Variants in EYS observed in about 807,000 individuals in gnomAD.
The protein encoded by EYS is protein eyes shut homolog.
In EYS, 250 loss-of-function variants were observed where a neutral mutation model predicts 282.1. The ratio of observed to expected loss-of-function variants is 0.89; its 90% CI spans 0.80 to 0.98. The LOEUF is 0.98. Ranked by LOEUF, EYS falls within the 50% of genes least tolerant of loss-of-function variation. The pLI is 0.00. For synonymous variants in EYS, 1,355 were observed against 1,282.9 expected (o/e 1.06, Z -1.20); for missense variants, 4,016 against 3,709.0 (o/e 1.08, Z -2.15).
intron 26 of EYS, among the ~76,000 whole-genome samples, chr6:64,516,850 C>T (rs922631060): frequency 2.6e-5 from 4 of 151,364 alleles, no homozygotes; most frequent in South Asian, 2.1e-4. Flanking sequence ...TGTAGAAAAA[C>T]GTTTTTAATT....
At chr6:64,393,432 C>A (rs1773235263) in intron 28 of EYS, among the ~76,000 whole-genome samples, 1 of 152,168 alleles carries the variant, frequency 6.6e-6, no homozygotes, top group Admixed American at 6.5e-5. Context: ...GCTTATCCAC[C>A]ATGATCAAGT....
chr6:64,129,735 G>GT (rs1415529752), intron 31 of EYS, among the ~76,000 whole-genome samples: 3 of 152,012 alleles, frequency 2.0e-5, no homozygotes, highest in Admixed American at 6.6e-5. Context: ...TATTGCCTAG[G>GT]TTTTTTTCTA....
intron 5 of EYS, among the ~76,000 whole-genome samples, chr6:65,476,435 T>C (rs894328481): frequency 6.6e-6 from 1 of 152,224 alleles, no homozygotes; most frequent in African/African-American, 2.4e-5. Flanking sequence ...AATTCACTTA[T>C]CTCAGATTAT....
intron 31 of EYS, among the ~76,000 whole-genome samples, chr6:64,129,854 G>A (rs933613338): frequency 5.3e-5 from 8 of 152,142 alleles, no homozygotes; most frequent in African/African-American, 1.9e-4. Context: ...CATATGGCTA[G>A]CCAGCTTTCC....
intron 12 of EYS, among the ~76,000 whole-genome samples, chr6:65,092,038 G>T (rs1774589486): frequency 6.6e-6 from 1 of 152,056 alleles, no homozygotes; most frequent in South Asian, 2.1e-4. Context: ...ATTGAAAATA[G>T]TATTTATTAT....
At chr6:65,126,533 C>T (rs1775723082) in intron 12 of EYS, among the ~76,000 whole-genome samples, 1 of 152,076 alleles carries the variant, frequency 6.6e-6, no homozygotes, top group Non-Finnish European at 1.5e-5. Context: ...CCTGCCTGAC[C>T]ACATCAGCAA....
chr6:65,274,974 A>G (rs1768004246), intron 12 of EYS, among the ~76,000 whole-genome samples: 1 of 151,932 alleles, frequency 6.6e-6, no homozygotes, highest in Non-Finnish European at 1.5e-5. Context: ...GAGCTAAAAT[A>G]TTCTTTATTT....
chr6:64,313,743 G>A (rs767053432), intron 29 of EYS, among the ~76,000 whole-genome samples: 8 of 152,048 alleles, frequency 5.3e-5, no homozygotes, highest in African/African-American at 1.2e-4. Flanking sequence ...ATTTTCAGTC[G>A]AGAATTTCAT....
intron 36 of EYS, among the ~76,000 whole-genome samples, chr6:63,861,322 G>A (rs1282153032): frequency 1.3e-5 from 2 of 152,144 alleles, no homozygotes; most frequent in African/African-American, 4.8e-5. Context: ...CTCCAGAAGA[G>A]ATTTAAAATT....
At chr6:63,860,339 C>A (rs566569525) in intron 36 of EYS, among the ~76,000 whole-genome samples, 1 of 152,332 alleles carries the variant, frequency 6.6e-6, no homozygotes, top group South Asian at 2.1e-4. Flanking sequence ...AGCTCTCTTT[C>A]TATAACCTCC....
chr6:64,861,379 G>A (rs1766232300), intron 19 of EYS, among the ~76,000 whole-genome samples: 1 of 152,210 alleles, frequency 6.6e-6, no homozygotes, highest in African/African-American at 2.4e-5. Context: ...AAGAAGCCAG[G>A]CAGCAGGAGC....
chr6:65,277,252 A>G (rs571049433), intron 12 of EYS, among the ~76,000 whole-genome samples: 11 of 151,970 alleles, frequency 7.2e-5, no homozygotes, highest in Admixed American at 2.0e-4. Context: ...GGCCAACATG[A>G]TGAAACACCA....
intron 2 of EYS, among the ~76,000 whole-genome samples, chr6:65,615,673 G>A (rs1012786846): frequency 6.6e-6 from 1 of 152,004 alleles, no homozygotes; most frequent in Middle Eastern, 3.2e-3. Context: ...GGTGGCTCAC[G>A]CCTGTAATCC....
intron 35 of EYS, among the ~76,000 whole-genome samples, chr6:63,869,066 A>G (rs1224441564): frequency 6.6e-6 from 1 of 152,188 alleles, no homozygotes; most frequent in African/African-American, 2.4e-5. Flanking sequence ...ACTTGGAGAA[A>G]CATAGTCTAT....
intron 31 of EYS, among the ~76,000 whole-genome samples, chr6:64,122,669 A>G (rs1287080730): frequency 6.6e-6 from 1 of 152,158 alleles, no homozygotes; most frequent in Non-Finnish European, 1.5e-5. Flanking sequence ...TATGTTAAAA[A>G]AATGAAATAA....
chr6:64,061,269 G>A (rs1771157636), intron 33 of EYS, among the ~76,000 whole-genome samples: 1 of 152,078 alleles, frequency 6.6e-6, no homozygotes, highest in South Asian at 2.1e-4. Flanking sequence ...GACACTAAAG[G>A]TGCCAGAAAA....
At chr6:64,351,112 T>C (rs1320440172) in intron 29 of EYS, among the ~76,000 whole-genome samples, 1 of 151,192 alleles carries the variant, frequency 6.6e-6, no homozygotes, top group African/African-American at 2.4e-5. Context: ...TATTTCTTCA[T>C]AGTAGCGTGA....
At chr6:64,148,749 A>C (rs1056551734) in intron 31 of EYS, among the ~76,000 whole-genome samples, 1 of 152,284 alleles carries the variant, frequency 6.6e-6, no homozygotes, top group Non-Finnish European at 1.5e-5. Context: ...AAATTATAGC[A>C]GTAAAACTCA....
rs1172392022 is a variant in EYS, at chr6:64,081,928, T to A, written c.6499A>T (p.Lys2167Ter). ...ATGGTAACAGTTCTGTTATGTTCCT[T>A]CTCCAGGACAAACTTCAAAAAGGGC... Reference protein sequence around the residue: ...ELPFLKFVLEKEHNRTVTIYL... With the variant: ...ELPFLKFVLE The change falls in exon 32 of 43, where the codon AAG becomes TAG. Residue 2167 changes from lysine to a stop codon, truncating the protein, a stop_gained. Transcript: ENST00000503581. LOFTEE classifies it high-confidence loss of function. 1 of 1,543,884 alleles carries A rather than the reference T, an allele frequency of 6.5e-7. No individual in the cohort carries two copies. Among genetic ancestry groups the A allele is most frequent in the Non-Finnish European group, 8.8e-7 (1 of 1,140,580 alleles).
Sources: allele counts gnomAD v4.1 joint callset (sites outside exome capture counted in the v4.1 genomes callset), GRCh38; gene constraint gnomAD v4.1.1; transcripts MANE v1.5; gene names NCBI Gene and HGNC (gene_info 2026-07-23, HGNC 2026-07-21).